TNRC6A: variants seen among roughly 807,000 people sequenced by gnomAD.
TNRC6A encodes trinucleotide repeat-containing gene 6A protein.
In TNRC6A, 44 loss-of-function variants were observed where a neutral mutation model predicts 221.2. The observed-to-expected ratio is 0.20, with a 90% CI of 0.16 to 0.26. The LOEUF (loss-of-function observed/expected upper bound fraction) is 0.26, where lower values mean the gene tolerates loss of function less well. Among genes scored for constraint, TNRC6A ranks in the 10% least tolerant of loss-of-function variants. The pLI is 1.00. For missense variants in TNRC6A, 2,199 were observed against 2,404.4 expected (o/e 0.91, Z 1.79); for synonymous variants, 847 against 838.5 (o/e 1.01, Z -0.18).
chr16:24,777,723 C>T (rs1014501497), intron 5 of TNRC6A, among the ~76,000 whole-genome samples: 1 of 152,160 alleles, frequency 6.6e-6, no homozygotes, highest in Non-Finnish European at 1.5e-5. Context: ...AGACTGAGTT[C>T]TTACCTCCAC....
At chr16:24,805,864 T>G in intron 15 of TNRC6A, 131 bp downstream of exon 15, 1 of 1,207,228 alleles carries the variant, frequency 8.3e-7, no homozygotes, top group Non-Finnish European at 1.2e-6. Context: ...GAGCTTACAG[T>G]CTATCGGGGG....
intron 4 of TNRC6A, among the ~76,000 whole-genome samples, chr16:24,768,160 G>A (rs1363828307): frequency 1.3e-5 from 2 of 152,034 alleles, no homozygotes; most frequent in African/African-American, 4.8e-5. Context: ...GGCCGGGCGC[G>A]GTGGCTCATG....
intron 2 of TNRC6A, among the ~76,000 whole-genome samples, chr16:24,700,907 C>T (rs1378677829): frequency 6.6e-6 from 1 of 152,204 alleles, no homozygotes; most frequent in Admixed American, 6.5e-5. Context: ...GACGCCTTCA[C>T]AGACATGTTT....
chr16:24,717,582 G>T (rs2056335866), intron 2 of TNRC6A, among the ~76,000 whole-genome samples: 2 of 152,120 alleles, frequency 1.3e-5, no homozygotes, highest in African/African-American at 4.8e-5. Flanking sequence ...TGGAAAGAAT[G>T]TTATTTGCAT....
chr16:24,729,827 G>T lies in TNRC6A; in HGVS notation c.-15G>T. Reference sequence around the variant, plus strand: ...CTCCTTCGCCGCGCCCCACTTGCTCGTGCACTTTACACACATGAGGTGAGC... The same window carrying T: ...CTCCTTCGCCGCGCCCCACTTGCTCTTGCACTTTACACACATGAGGTGAGC... On this transcript the variant is annotated 5_prime_UTR_variant, in exon 1 of 25. Coordinates refer to ENST00000395799, the MANE Select transcript of TNRC6A (RefSeq NM_014494.4). The T allele has an allele frequency of 7.1e-7, 1 of 1,403,792 alleles. No homozygotes were observed. 87.0% of individuals were successfully genotyped at this position (1,403,792 alleles called of 1,614,324 possible).
At position 24,777,101 on chromosome 16, in the gene TNRC6A, A is replaced by G. The variant is rs201560222; in HGVS notation, c.332A>G (p.Gln111Arg). The G allele has an allele frequency of 6.2e-7, 1 of 1,611,522 alleles. No homozygotes were observed. Among genetic ancestry groups the G allele is most frequent in the Admixed American group, 1.7e-5 (1 of 59,878 alleles). ...QQQPQQQQPQ[Q>R]QPQPQPQQQQ... ...CAGCCGCAGCAGCAGCAGCCACAGCAGCAGCCACAGCCGCAGCCGCAGCAG... is the reference window on the plus strand; with the variant it reads ...CAGCCGCAGCAGCAGCAGCCACAGCGGCAGCCACAGCCGCAGCCGCAGCAG... The change falls in exon 5 of 25, where the codon CAG (glutamine) becomes CGG (arginine). Residue 111 changes from glutamine (Q) to arginine (R), a missense_variant. Physicochemically the swap from Gln to Arg is conservative, Grantham distance 43 (BLOSUM62 1). Transcript: ENST00000395799.
chr16:24,691,880 C>G (rs2055762454), intron 2 of TNRC6A, among the ~76,000 whole-genome samples: 1 of 152,086 alleles, frequency 6.6e-6, no homozygotes. Context: ...AAGAGAAGCC[C>G]AGGACTGACA....
At position 24,790,871 on chromosome 16, in the gene TNRC6A, A is replaced by G. The variant is rs1319308819; in HGVS notation, c.2229A>G (p.Glu743=). The change falls in exon 6 of 25, where the codon GAA becomes GAG. Residue 743 remains glutamate (E), a synonymous_variant. Transcript: ENST00000395799. ...ATACAGAAACATCACCTAGAGGGGA[A>G]CGAAAGACTGACAATGGGACAGAGG... ...AWDTETSPRG[E]RKTDNGTEAW... 3.1e-6 allele frequency: 5 copies of G among 1,614,060 alleles called. No homozygotes were observed. Among genetic ancestry groups the G allele is most frequent in the Non-Finnish European group, 3.4e-6 (4 of 1,180,046 alleles).
chr16:24,806,166 T>C, intron 15 of TNRC6A, 40 bp from the exon 16 acceptor site: 4 of 1,608,072 alleles, frequency 2.5e-6, no homozygotes, highest in Non-Finnish European at 3.4e-6. Flanking sequence ...CACTTTGTAA[T>C]GGTGTGATAG....
At chr16:24,783,327 CTA>C (rs2057893977) in intron 5 of TNRC6A, among the ~76,000 whole-genome samples, 1 of 152,130 alleles carries the variant, frequency 6.6e-6, no homozygotes, top group Non-Finnish European at 1.5e-5. Context: ...TGGGATTTCA[CTA>C]TGTTGGCCAG....
chr16:24,810,104 C>G (rs569711412), intron 18 of TNRC6A, among the ~76,000 whole-genome samples: 1 of 152,228 alleles, frequency 6.6e-6, no homozygotes, highest in Non-Finnish European at 1.5e-5. Context: ...TGAACTACTG[C>G]ACCTGGCCCA....
rs2056575133 is a variant in TNRC6A, at chr16:24,729,743, C to T, written c.-99C>T. On this transcript the variant is annotated 5_prime_UTR_variant, in exon 1 of 25. Transcript: ENST00000395799. ...CAGCGGGTCGGTGTAGAAAATGGCG[C>T]TGGTGCAGCGGCTCGGGCCTCTCCC... The T allele has an allele frequency of 4.7e-6, 6 of 1,278,730 alleles. No individual in the cohort carries two copies. The South Asian group carries it at 1.1e-4, about 23-fold the overall frequency. The allele number at this position is 1,278,730 out of a possible 1,614,324, so 79.2% of individuals were successfully genotyped here. A position where few individuals can be genotyped will look rare whatever the true frequency, so the allele number is the denominator to read the frequency against.
chr16:24,617,856 T>G (rs1274574804), intron 1 of TNRC6A, among the ~76,000 whole-genome samples: 1 of 152,210 alleles, frequency 6.6e-6, no homozygotes, highest in Non-Finnish European at 1.5e-5. Context: ...TAGAAGACAT[T>G]TGATTTTATC....
At chr16:24,798,057 G>A in intron 11 of TNRC6A, 91 bp downstream of exon 11, 1 of 1,113,752 alleles carries the variant, frequency 9.0e-7, no homozygotes, top group Admixed American at 2.2e-5. Flanking sequence ...ACGTAGATCA[G>A]GACAGGGGAG....
rs556796502 is a variant in TNRC6A at position 24,784,826 on chromosome 16, C to A, written c.590-4406C>A. 1.3e-3 allele frequency among the ~76,000 whole-genome samples: 201 copies of A among 152,306 alleles called. 3 individuals carry two copies. The highest frequency in any genetic ancestry group is 7.9e-3 in the South Asian group (38 of 4,824). On this transcript the variant is annotated intron_variant, in intron 5 of 24. Coordinates refer to ENST00000395799, the MANE Select transcript of TNRC6A (RefSeq NM_014494.4). Reference sequence around the variant, plus strand: ...AGAATCTGAGAACATTTTTCACTAACATTAAAGGTGATAGAACTCATTTGC... The same window carrying A: ...AGAATCTGAGAACATTTTTCACTAAAATTAAAGGTGATAGAACTCATTTGC...
chr16:24,822,631 C>T (rs1221583754), intron 23 of TNRC6A, among the ~76,000 whole-genome samples: 1 of 152,106 alleles, frequency 6.6e-6, no homozygotes, highest in Non-Finnish European at 1.5e-5. Context: ...AGACATGGAG[C>T]CACAGTGGGG....
chr16:24,768,382 A>G, intron 4 of TNRC6A, among the ~76,000 whole-genome samples: 1 of 150,444 alleles, frequency 6.6e-6, no homozygotes. Context: ...GCAGTGAGCC[A>G]AGATCGTGCC....
chr16:24,716,183 A>G (rs762037003), intron 2 of TNRC6A, among the ~76,000 whole-genome samples: 7 of 152,016 alleles, frequency 4.6e-5, no homozygotes, highest in Non-Finnish European at 1.0e-4. Context: ...ATCTAGGGCA[A>G]CCATTAGGTC....
chr16:24,643,122 TAAA>T (rs369012290), intron 2 of TNRC6A, among the ~76,000 whole-genome samples: 59,419 of 133,328 alleles, frequency 0.45, 14,035 homozygotes, highest in South Asian at 0.55. Context: ...TATATATATA[TAAA>T]ATATATATAT....
Sources: allele counts gnomAD v4.1 joint callset (sites outside exome capture counted in the v4.1 genomes callset), GRCh38; gene constraint gnomAD v4.1.1; transcripts MANE v1.5; gene names NCBI Gene and HGNC (gene_info 2026-07-23, HGNC 2026-07-21).